The following ITPR2 variants were observed in gnomAD, a reference collection of about 807,000 sequenced individuals.
ITPR2 encodes inositol 1,4,5-trisphosphate receptor type 2.
ITPR2 carries 207 observed loss-of-function variants against 317.1 expected under a neutral mutation model. The ratio of observed to expected loss-of-function variants is 0.65; its 90% CI spans 0.58 to 0.73. The LOEUF (loss-of-function observed/expected upper bound fraction) is 0.73. ITPR2 is among the 30% of genes least tolerant of loss of function. The probability of loss-of-function intolerance (pLI) is 0.00; values close to 1 mark genes in which losing one functional copy is unlikely to be tolerated. For synonymous variants in ITPR2, 1,156 were observed against 1,149.1 expected (o/e 1.01, Z -0.12); for missense variants, 2,613 against 3,284.0 (o/e 0.80, Z 4.99).
chr12:26,609,842 A>C (rs1591958861), intron 26 of ITPR2, among the ~76,000 whole-genome samples: 1 of 152,374 alleles, frequency 6.6e-6, no homozygotes, highest in East Asian at 1.9e-4. Flanking sequence ...AGAATGTGTA[A>C]AACAAGCATT....
intron 21 of ITPR2, among the ~76,000 whole-genome samples, chr12:26,651,742 G>A (rs927592703): frequency 6.6e-6 from 1 of 152,182 alleles, no homozygotes; most frequent in South Asian, 2.1e-4. Context: ...CACAAGGAGC[G>A]GGTTTATAGG....
At chr12:26,676,597 T>G (rs1947912663) in intron 13 of ITPR2, among the ~76,000 whole-genome samples, 1 of 150,422 alleles carries the variant, frequency 6.6e-6, no homozygotes, top group South Asian at 2.1e-4. Flanking sequence ...TTCAGCAAGA[T>G]GAAAAGAGAA....
At chr12:26,703,663 G>A (rs961137265) in intron 9 of ITPR2, among the ~76,000 whole-genome samples, 1 of 151,996 alleles carries the variant, frequency 6.6e-6, no homozygotes, top group African/African-American at 2.4e-5. Flanking sequence ...TCATTATATC[G>A]GTTTTTTGAT....
intron 45 of ITPR2, among the ~76,000 whole-genome samples, chr12:26,445,768 G>A (rs1941597434): frequency 6.6e-6 from 1 of 152,208 alleles, no homozygotes; most frequent in African/African-American, 2.4e-5. Context: ...TAAACAAGGA[G>A]TGTGAGTAGA....
chr12:26,715,772 G>T lies in ITPR2; in HGVS notation c.688C>A (p.Arg230=), dbSNP rs1239360287. 6.2e-7 allele frequency: 1 copy of T among 1,604,168 alleles called. No homozygotes were observed. The highest frequency in any genetic ancestry group is 8.5e-7 in the Non-Finnish European group (1 of 1,171,776). The change falls in exon 7 of 57, where the codon CGA becomes AGA. Residue 230 remains arginine, a synonymous_variant. Coordinates refer to ENST00000381340, the MANE Select transcript of ITPR2 (RefSeq NM_002223.4). ...ITLFMKYSSY[R]EDVLKGGDVV... ...CTTACTCCTTTTAATACATCCTCTC[G>T]ATAGGAACTATATTTCATGAATAAA...
At chr12:26,788,889 C>G (rs1395086168) in intron 2 of ITPR2, among the ~76,000 whole-genome samples, 1 of 152,186 alleles carries the variant, frequency 6.6e-6, no homozygotes, top group African/African-American at 2.4e-5. Flanking sequence ...ATCTGTCCTT[C>G]CATTAGGGTT....
chr12:26,457,182 C>T (rs765178556), intron 45 of ITPR2, among the ~76,000 whole-genome samples: 1 of 152,166 alleles, frequency 6.6e-6, no homozygotes, highest in African/African-American at 2.4e-5. Context: ...AAGCAATGAG[C>T]ACTGGGGGAT....
chr12:26,610,340 T>C (rs7313458), intron 26 of ITPR2, among the ~76,000 whole-genome samples: 46,212 of 152,086 alleles, frequency 0.3, 7,214 homozygotes, highest in Middle Eastern at 0.48. Flanking sequence ...TATATCCTTC[T>C]ACAGGGATTT....
At chr12:26,787,981 A>G (rs1592132544) in intron 2 of ITPR2, among the ~76,000 whole-genome samples, 1 of 146,574 alleles carries the variant, frequency 6.8e-6, no homozygotes. Context: ...TTGGAGTGCA[A>G]TGGCGCGATC....
chr12:26,587,491 T>C (rs918416155), intron 32 of ITPR2, among the ~76,000 whole-genome samples: 1 of 151,836 alleles, frequency 6.6e-6, no homozygotes, highest in Non-Finnish European at 1.5e-5. Context: ...CCCTGGAAAA[T>C]GTACAGTTGC....
At chr12:26,626,217 G>A (rs781224033) in intron 23 of ITPR2, among the ~76,000 whole-genome samples, 7 of 152,048 alleles carry the variant, frequency 4.6e-5, no homozygotes, top group East Asian at 1.9e-4. Flanking sequence ...CGCCCCCTTC[G>A]GCCTCCCAAA....
At chr12:26,384,235 G>A (rs1297015331) in intron 55 of ITPR2, among the ~76,000 whole-genome samples, 4 of 152,210 alleles carry the variant, frequency 2.6e-5, no homozygotes, top group Non-Finnish European at 5.9e-5. Flanking sequence ...TAGTCAGAAG[G>A]CCATCATTTC....
chr12:26,738,844 T>A (rs879872019), intron 2 of ITPR2, among the ~76,000 whole-genome samples: 6 of 152,244 alleles, frequency 3.9e-5, no homozygotes, highest in Admixed American at 3.9e-4. Context: ...ATTAGGTCTT[T>A]TCTATTTCAA....
In ITPR2 at chr12:26,486,269, T is replaced by C; in HGVS notation, c.5646A>G (p.Arg1882=). The change falls in exon 41 of 57, where the codon AGA becomes AGG. Residue 1882 remains arginine (R), a synonymous_variant. Transcript: ENST00000381340. The part of the protein sequence containing the change: ...SATSKAYCVY[R]REMDPEIDIM... The stretch of plus-strand genomic sequence containing the variant: ...TGTCTATTTCTGGATCCATTTCTCT[T>C]CTGTATACACAATATGCTTTGGATG... The C allele has an allele frequency of 6.2e-7, 1 of 1,614,164 alleles. No homozygotes were observed. Among genetic ancestry groups the C allele is most frequent in the Non-Finnish European group, 8.5e-7 (1 of 1,179,998 alleles).
chr12:26,655,035 G>A (rs1947340198), intron 20 of ITPR2, among the ~76,000 whole-genome samples: 1 of 152,126 alleles, frequency 6.6e-6, no homozygotes, highest in Non-Finnish European at 1.5e-5. Context: ...ACACCAGTAG[G>A]TAGCTAATAC....
At chr12:26,758,182 C>G (rs1202200643) in intron 2 of ITPR2, among the ~76,000 whole-genome samples, 2 of 152,208 alleles carry the variant, frequency 1.3e-5, no homozygotes, top group Non-Finnish European at 2.9e-5. Flanking sequence ...TCTCCATCCC[C>G]CCATTTCTAA....
intron 49 of ITPR2, among the ~76,000 whole-genome samples, chr12:26,423,046 C>T (rs1229584111): frequency 1.3e-5 from 2 of 152,152 alleles, no homozygotes; most frequent in Non-Finnish European, 2.9e-5. Context: ...CAAAACAGAA[C>T]AGTAAGCACA....
rs1941348050 is a variant in ITPR2 at position 26,436,354 on chromosome 12, G to T, written c.6644-8C>A. ...AGAACAGTGCAGGGTTATCTAGGAAGTGAGAAATGTAAAGGAACTGAACAG... is the reference window on the plus strand; with the variant it reads ...AGAACAGTGCAGGGTTATCTAGGAATTGAGAAATGTAAAGGAACTGAACAG... On this transcript the variant is annotated splice_polypyrimidine_tract_variant and splice_region_variant and intron_variant, in intron 47 of 56. Transcript: ENST00000381340. The T allele has an allele frequency of 6.2e-7, 1 of 1,600,084 alleles. No homozygotes were observed. Among genetic ancestry groups the T allele is most frequent in the African/African-American group, 1.4e-5 (1 of 74,010 alleles).
intron 55 of ITPR2, among the ~76,000 whole-genome samples, chr12:26,345,137 G>T (rs1464929853): frequency 6.6e-6 from 1 of 151,570 alleles, no homozygotes; most frequent in Non-Finnish European, 1.5e-5. Context: ...ATTTTTAAGA[G>T]ACCTGAGTTG....
Sources: gnomAD v4.1 joint callset for allele counts (sites outside exome capture counted in the v4.1 genomes callset) on GRCh38, gnomAD v4.1.1 for gene constraint, MANE v1.5 for transcripts, NCBI Gene and HGNC (gene_info 2026-07-23, HGNC 2026-07-21) for gene names.